The following KCNK2 variants were observed in gnomAD, a reference collection of about 807,000 sequenced individuals.
The protein encoded by KCNK2 is potassium two pore domain channel subfamily K member 2, also known as potassium channel subfamily K member 2.
In KCNK2, 21 loss-of-function variants were observed where a neutral mutation model predicts 40.5. The ratio of observed to expected loss-of-function variants is 0.52; its 90% CI spans 0.37 to 0.75. The LOEUF is 0.75. Among genes scored for constraint, KCNK2 ranks in the 30% least tolerant of loss-of-function variants. The probability of loss-of-function intolerance (pLI) is 0.00; values close to 1 mark genes in which losing one functional copy is unlikely to be tolerated. For synonymous variants in KCNK2, 191 were observed against 202.2 expected (o/e 0.94, Z 0.47); for missense variants, 399 against 531.6 (o/e 0.75, Z 2.45).
intron 5 of KCNK2, among the ~76,000 whole-genome samples, chr1:215,177,933 T>A (rs115134001): frequency 6.6e-6 from 1 of 151,622 alleles, no homozygotes; most frequent in East Asian, 1.9e-4. Context: ...GGTAGCTTAA[T>A]AGAAATAGCG....
At chr1:215,077,732 G>A (rs1170865557) in intron 1 of KCNK2, among the ~76,000 whole-genome samples, 3 of 151,770 alleles carry the variant, frequency 2.0e-5, no homozygotes, top group Non-Finnish European at 2.9e-5. Context: ...GTCTTCTTCC[G>A]AGCTCTTCTC....
chr1:215,214,989 C>T (rs1052841818), intron 6 of KCNK2, among the ~76,000 whole-genome samples: 2 of 152,032 alleles, frequency 1.3e-5, no homozygotes, highest in East Asian at 1.9e-4. Flanking sequence ...TTTTATCTTC[C>T]GTTATTTGAA....
chr1:215,087,487 T>C (rs1659498304), intron 2 of KCNK2, among the ~76,000 whole-genome samples: 1 of 152,238 alleles, frequency 6.6e-6, no homozygotes, highest in Non-Finnish European at 1.5e-5. Context: ...TTTTTGTAGA[T>C]TTCTTTTGCA....
chr1:215,137,933 T>C (rs1156688111), intron 3 of KCNK2, among the ~76,000 whole-genome samples: 3 of 152,168 alleles, frequency 2.0e-5, no homozygotes, highest in Non-Finnish European at 4.4e-5. Context: ...AATCATGTTC[T>C]GAAGAGAGGG....
At chr1:215,009,548 A>G (rs1183450190) in intron 1 of KCNK2, among the ~76,000 whole-genome samples, 1 of 152,022 alleles carries the variant, frequency 6.6e-6, no homozygotes, top group Admixed American at 6.6e-5. Context: ...GAAATTAAGC[A>G]GAGTTGTCCA....
upstream of KCNK2, among the ~76,000 whole-genome samples, chr1:215,081,222 C>A (rs1020454425): frequency 1.3e-5 from 2 of 151,152 alleles, no homozygotes; most frequent in African/African-American, 4.9e-5. Flanking sequence ...CTCTAGAGAA[C>A]CTTACTGATA....
rs1666911249 is a variant in KCNK2 at position 215,236,670 on chromosome 1, T to A, written c.*1525T>A. 6.6e-6 allele frequency: 1 copy of A among 152,352 alleles called. No individual in the cohort carries two copies. The highest frequency in any genetic ancestry group is 2.1e-4 in the South Asian group (1 of 4,826). 9.4% of individuals were successfully genotyped at this position (152,352 alleles called of 1,614,324 possible). ...CCTTTATTTTCATACTTAGATCTGC[T>A]GTACATTGTATATATATATAATTTT... is the stretch of plus-strand genomic sequence containing the variant. On this transcript the variant is annotated 3_prime_UTR_variant, in exon 7 of 7. Coordinates refer to ENST00000444842, the MANE Select transcript of KCNK2 (RefSeq NM_001017425.3).
At position 215,083,230 on chromosome 1, in the gene KCNK2, TC is replaced by T; in HGVS notation, c.-152del. ...CCCCCTCCCGCGTCCAGCCCCGCTC[TC>T]CCCACCTTGTAAAACAAAGCCGGGG... On this transcript the variant is annotated 5_prime_UTR_variant, in exon 1 of 7. Coordinates refer to ENST00000444842, the MANE Select transcript of KCNK2 (RefSeq NM_001017425.3). 1 of 828,148 alleles carries T rather than the reference TC, an allele frequency of 1.2e-6. No individual in the cohort carries two copies. The highest frequency in any genetic ancestry group is 1.6e-6 in the Non-Finnish European group (1 of 612,932). The allele number at this position is 828,148 out of a possible 1,614,324, so 51.3% of individuals were successfully genotyped here.
At chr1:215,206,635 TG>T (rs1665324716) in intron 6 of KCNK2, among the ~76,000 whole-genome samples, 1 of 152,220 alleles carries the variant, frequency 6.6e-6, no homozygotes. Context: ...TGCATCTGCA[TG>T]TTACACAAAT....
intron 6 of KCNK2, among the ~76,000 whole-genome samples, chr1:215,213,424 C>T (rs1205242001): frequency 6.6e-6 from 1 of 152,118 alleles, no homozygotes; most frequent in Non-Finnish European, 1.5e-5. Flanking sequence ...GCCTTGCCAA[C>T]ATGGTGAAAA....
At chr1:215,148,061 A>G (rs1033158568) in intron 3 of KCNK2, among the ~76,000 whole-genome samples, 2 of 101,428 alleles carry the variant, frequency 2.0e-5, no homozygotes, top group Admixed American at 2.0e-4. Flanking sequence ...TTTAATTATT[A>G]TTTTTTTATT....
At chr1:215,093,454 A>G (rs1659787000) in intron 2 of KCNK2, among the ~76,000 whole-genome samples, 4 of 125,714 alleles carry the variant, frequency 3.2e-5, no homozygotes, top group Non-Finnish European at 6.3e-5. Context: ...TATAATATAT[A>G]TAATATATAA....
At chr1:215,119,161 A>C (rs1479668001) in intron 2 of KCNK2, among the ~76,000 whole-genome samples, 1 of 152,180 alleles carries the variant, frequency 6.6e-6, no homozygotes, top group Non-Finnish European at 1.5e-5. Context: ...TATAGCACAC[A>C]AAAAGCTGTT....
intron 4 of KCNK2, 32 bp downstream of exon 4, chr1:215,169,391 T>G (rs2102633990): frequency 6.6e-7 from 1 of 1,506,730 alleles, no homozygotes; most frequent in East Asian, 2.4e-5. Flanking sequence ...CTACGTATAT[T>G]TATTGTTTGA....
intron 2 of KCNK2, among the ~76,000 whole-genome samples, chr1:215,118,284 A>G (rs2102572532): frequency 6.6e-6 from 1 of 152,288 alleles, no homozygotes; most frequent in African/African-American, 2.4e-5. Context: ...AACAATACTC[A>G]CACATGACTG....
chr1:215,148,237 A>G (rs1662522413), intron 3 of KCNK2, among the ~76,000 whole-genome samples: 1 of 149,560 alleles, frequency 6.7e-6, no homozygotes, highest in African/African-American at 2.5e-5. Context: ...ATACCACCAC[A>G]CCTGGCTAAT....
In KCNK2 at chr1:215,086,429, G is replaced by C. The variant is rs1481663513; in HGVS notation, c.108G>C (p.Ser36=). Residue 36 remains serine (S), a synonymous_variant, in exon 2 of 7, where the codon TCG becomes TCC. Coordinates refer to ENST00000444842, the MANE Select transcript of KCNK2 (RefSeq NM_001017425.3). ...SAAQNSKPRL[S]FSTKPTVLAS... ...CTCAGAACTCCAAACCGAGGCTCTC[G>C]TTTTCCACGAAACCCACAGTGCTTG... The C allele has an allele frequency of 6.2e-7, 1 of 1,614,090 alleles. No individual in the cohort carries two copies. The highest frequency in any genetic ancestry group is 8.5e-7 in the Non-Finnish European group (1 of 1,180,010).
intron 6 of KCNK2, among the ~76,000 whole-genome samples, chr1:215,212,532 T>C (rs995499830): frequency 6.6e-6 from 1 of 152,140 alleles, no homozygotes; most frequent in East Asian, 1.9e-4. Flanking sequence ...AGTAATAGTA[T>C]TGGATAAAGT....
intron 6 of KCNK2, among the ~76,000 whole-genome samples, chr1:215,223,351 C>A (rs1666261703): frequency 1.3e-5 from 2 of 151,274 alleles, no homozygotes; most frequent in African/African-American, 2.4e-5. Flanking sequence ...AGGTAGAAAT[C>A]CCTTATCTAG....
Sources: gnomAD v4.1 joint callset for allele counts (sites outside exome capture counted in the v4.1 genomes callset) on GRCh38, gnomAD v4.1.1 for gene constraint, MANE v1.5 for transcripts, NCBI Gene and HGNC (gene_info 2026-07-23, HGNC 2026-07-21) for gene names.